Variants in FLRT2 observed in about 807,000 individuals in gnomAD.
The protein encoded by FLRT2 is fibronectin leucine rich transmembrane protein 2, also known as leucine-rich repeat transmembrane protein FLRT2.
In FLRT2, 15 loss-of-function variants were observed where a neutral mutation model predicts 40.0. The observed-to-expected ratio is 0.38, with a 90% CI of 0.25 to 0.58. The LOEUF is 0.58. Among genes scored for constraint, FLRT2 ranks in the 20% least tolerant of loss-of-function variants. The pLI is 0.71. For synonymous variants in FLRT2, 380 were observed against 336.8 expected, an observed-to-expected ratio of 1.13 and a Z score of -1.41; for missense variants, 726 against 840.0, an observed-to-expected ratio of 0.86 and a Z score of 1.68.
rs1419519807 is a variant in FLRT2, at chr14:85,648,320, G to T, written c.*24823G>T. ...CTTCTAGGAGTCATCTTGTACTAAA[G>T]AAGCTGTAAGCCCACATGTGCATTT... On this transcript the variant is annotated 3_prime_UTR_variant, in exon 2 of 2. Coordinates refer to ENST00000330753, the MANE Select transcript of FLRT2 (RefSeq NM_013231.6). The T allele has an allele frequency of 6.6e-6, 1 of 152,174 alleles. No individual in the cohort carries two copies. Among genetic ancestry groups the T allele is most frequent in the African/African-American group, 2.4e-5 (1 of 41,436 alleles). 9.4% of individuals were successfully genotyped at this position (152,174 alleles called of 1,614,324 possible).
At chr14:85,600,913 C>T (rs1892352538) in intron 1 of FLRT2, among the ~76,000 whole-genome samples, 2 of 152,116 alleles carry the variant, frequency 1.3e-5, no homozygotes, top group African/African-American at 2.4e-5. Context: ...ATTCTAACTG[C>T]TTAATAGATG....
At chr14:85,585,546 ACTACTAATTGTAAT>A (rs756344612) in intron 1 of FLRT2, among the ~76,000 whole-genome samples, 1 of 152,230 alleles carries the variant, frequency 6.6e-6, no homozygotes, top group Non-Finnish European at 1.5e-5. Context: ...GGATAAAATT[ACTACTAATTGTAAT>A]CTCAGCACAC....
intron 1 of FLRT2, chr14:85,559,547 G>C (rs1890178906): frequency 6.6e-6 from 1 of 152,284 alleles, no homozygotes; most frequent in South Asian, 2.1e-4. Context: ...AACCATACAT[G>C]CTTGTAGTAA....
intron 1 of FLRT2, chr14:85,562,771 T>A (rs539784298): frequency 2.0e-5 from 3 of 152,090 alleles, no homozygotes; most frequent in Admixed American, 6.5e-5. Flanking sequence ...TTCTTCAAAA[T>A]GAAATCTATT....
rs965008384 is a variant in FLRT2 at position 85,638,951 on chromosome 14, T to C, written c.*15454T>C. ...AAAAGTTAGCTAATAATCAATTCTT[T>C]GAACGAAGCCCAGTGAAACCAAGTT... On this transcript the variant is annotated 3_prime_UTR_variant, in exon 2 of 2. Transcript: ENST00000330753. 1 of 152,218 alleles carries C rather than the reference T, an allele frequency of 6.6e-6. No homozygotes were observed. Among genetic ancestry groups the C allele is most frequent in the Non-Finnish European group, 1.5e-5 (1 of 68,044 alleles). 9.4% of individuals were successfully genotyped at this position (152,218 alleles called of 1,614,324 possible).
At chr14:85,612,862 A>G (rs1337653622) in intron 1 of FLRT2, among the ~76,000 whole-genome samples, 1 of 152,204 alleles carries the variant, frequency 6.6e-6, no homozygotes, top group African/African-American at 2.4e-5. Context: ...ACACTATGTA[A>G]TTTCATTTCA....
chr14:85,557,779 T>A (rs1890060813), intron 1 of FLRT2, among the ~76,000 whole-genome samples: 1 of 152,162 alleles, frequency 6.6e-6, no homozygotes, highest in African/African-American at 2.4e-5. Flanking sequence ...ATTGCACCAC[T>A]GCACTCTGCC....
chr14:85,535,165 C>T (rs963888800), intron 1 of FLRT2, among the ~76,000 whole-genome samples: 1 of 152,214 alleles, frequency 6.6e-6, no homozygotes, highest in Non-Finnish European at 1.5e-5. Context: ...CTGGGAGGCT[C>T]TTTAATCACA....
chr14:85,538,326 C>T (rs1434655508), intron 1 of FLRT2, among the ~76,000 whole-genome samples: 2 of 152,130 alleles, frequency 1.3e-5, no homozygotes, highest in Non-Finnish European at 2.9e-5. Context: ...GTCAGTTATT[C>T]TGCTGATACT....
At position 85,622,919 on chromosome 14, in the gene FLRT2, C is replaced by A. The variant is rs755278961; in HGVS notation, c.1405C>A (p.Arg469Ser). The change falls in exon 2 of 2, where the codon CGC becomes AGC. Residue 469 changes from arginine (R) to serine (S), a missense_variant. Coordinates refer to ENST00000330753, the MANE Select transcript of FLRT2 (RefSeq NM_013231.6). The stretch of plus-strand genomic sequence containing the variant: ...TTTAGTAGGGGGCATCGTTCAGGAG[C>A]GCATAGTCAGCGGTGAGAAGCAACA... ...HSLVGGIVQE[R>S]IVSGEKQHLS... is the part of the protein sequence containing the mutation. 5 of 1,614,022 alleles carry A rather than the reference C, an allele frequency of 3.1e-6. No homozygotes were observed.
Position 85,627,919 on chromosome 14 carries a change from G to T in FLRT2, c.*4422G>T, listed in dbSNP as rs935364930. The T allele has an allele frequency of 1.2e-5, 2 of 166,976 alleles. No individual in the cohort carries two copies. Among genetic ancestry groups the T allele is most frequent in the African/African-American group, 4.8e-5 (2 of 41,428 alleles). 10.3% of individuals were successfully genotyped at this position (166,976 alleles called of 1,614,324 possible). ...TATTCAGTAAAGTCTTATTTTAAAA[G>T]AAAACCACATTGTGTTTATCTGAGT... On this transcript the variant is annotated 3_prime_UTR_variant, in exon 2 of 2. Coordinates refer to ENST00000330753, the MANE Select transcript of FLRT2 (RefSeq NM_013231.6).
chr14:85,598,773 G>A (rs758924934), intron 1 of FLRT2, among the ~76,000 whole-genome samples: 30 of 152,166 alleles, frequency 2.0e-4, no homozygotes, highest in Non-Finnish European at 2.8e-4. Flanking sequence ...CTAAGACAAA[G>A]ATGTAGGTCT....
intron 1 of FLRT2, among the ~76,000 whole-genome samples, chr14:85,576,338 G>A (rs1042853669): frequency 2.0e-5 from 3 of 152,090 alleles, no homozygotes; most frequent in Non-Finnish European, 4.4e-5. Flanking sequence ...ATGCCTCAAA[G>A]TATTTGGCTG....
At position 85,631,129 on chromosome 14, in the gene FLRT2, T is replaced by TATATATATATATATATATATATATATATA. The variant is rs1893862477; in HGVS notation, c.*7632_*7633insATATATATATATATATATATATATATATA. The TATATATATATATATATATATATATATATA allele has an allele frequency of 2.2e-5, 3 of 138,092 alleles. No individual in the cohort carries two copies. The highest frequency in any genetic ancestry group is 3.1e-5 in the Non-Finnish European group (2 of 65,392). The allele number at this position is 138,092 out of a possible 1,614,324, so 8.6% of individuals were successfully genotyped here. A position where few individuals can be genotyped will look rare whatever the true frequency, so the allele number is the denominator to read the frequency against. On this transcript the variant is annotated 3_prime_UTR_variant, in exon 2 of 2. Coordinates refer to ENST00000330753, the MANE Select transcript of FLRT2 (RefSeq NM_013231.6). ...TCTAGATTTTATATATATATATATA[T>TATATATATATATATATATATATATATATA]GAAATGAGCAAACAAAATGCTTTCA... is the stretch of plus-strand genomic sequence containing the variant.
In FLRT2 at chr14:85,640,682, G is replaced by T. The variant is rs962137789; in HGVS notation, c.*17185G>T. 1 of 152,112 alleles carries T rather than the reference G, an allele frequency of 6.6e-6. No homozygotes were observed. Among genetic ancestry groups the T allele is most frequent in the African/African-American group, 2.4e-5 (1 of 41,424 alleles). The allele number at this position is 152,112 out of a possible 1,614,324, so 9.4% of individuals were successfully genotyped here. ...CCATACATTTGCTAAGTTCTCACTG[G>T]TCAGGTTCAGTCTTTGCTATTAGAG... On this transcript the variant is annotated 3_prime_UTR_variant, in exon 2 of 2. Transcript: ENST00000330753.
chr14:85,633,189 TA>T lies in FLRT2; in HGVS notation c.*9693del, dbSNP rs1212624207. ...CAAAACACTCAATAATTTGCACAGC[TA>T]TTATCAAGATGGGTCTGTCAGAAAG... On this transcript the variant is annotated 3_prime_UTR_variant, in exon 2 of 2. Transcript: ENST00000330753. 6.6e-6 allele frequency: 1 copy of T among 152,182 alleles called. No homozygotes were observed. The highest frequency in any genetic ancestry group is 1.9e-4 in the East Asian group (1 of 5,186). The allele number at this position is 152,182 out of a possible 1,614,324, so 9.4% of individuals were successfully genotyped here. A position where few individuals can be genotyped will look rare whatever the true frequency, so the allele number is the denominator to read the frequency against.
At chr14:85,594,931 G>T (rs1257228176) in intron 1 of FLRT2, among the ~76,000 whole-genome samples, 2 of 152,066 alleles carry the variant, frequency 1.3e-5, no homozygotes, top group Non-Finnish European at 2.9e-5. Flanking sequence ...CTAGAGAAAA[G>T]AAAATGTTAT....
chr14:85,575,336 AT>A (rs796587160), intron 1 of FLRT2, among the ~76,000 whole-genome samples: 58 of 146,336 alleles, frequency 4.0e-4, no homozygotes, highest in South Asian at 1.1e-3. Flanking sequence ...TTCTTACAAC[AT>A]TTTTTTTTTT....
chr14:85,595,399 A>G lies in FLRT2; in HGVS notation c.-376-25740A>G, dbSNP rs140496139. Reference sequence around the variant, plus strand: ...TTAAGATAAATCTCACAAATGGGCTAGTAATAATGACCTACAAGAATTTTG... The same window carrying G: ...TTAAGATAAATCTCACAAATGGGCTGGTAATAATGACCTACAAGAATTTTG... On this transcript the variant is annotated intron_variant, in intron 1 of 1. Coordinates refer to ENST00000330753, the MANE Select transcript of FLRT2 (RefSeq NM_013231.6). Among the ~76,000 whole-genome samples, 288 of 151,604 alleles carry G rather than the reference A, an allele frequency of 1.9e-3. 3 individuals are homozygous for G. The highest frequency in any genetic ancestry group is 0.014 in the East Asian group (73 of 5,090).
Sources: allele counts gnomAD v4.1 joint callset (sites outside exome capture counted in the v4.1 genomes callset), GRCh38; gene constraint gnomAD v4.1.1; transcripts MANE v1.5; gene names NCBI Gene and HGNC (gene_info 2026-07-23, HGNC 2026-07-21).